Variants in NNT observed in about 807,000 individuals in gnomAD.
NNT encodes the protein NAD(P) transhydrogenase, mitochondrial.
A neutral mutation model predicts 104.8 loss-of-function variants in NNT; 50 were observed. That is an observed-to-expected ratio of 0.48 (90% CI 0.38 to 0.60). NNT has a LOEUF of 0.60. NNT is among the 20% of genes least tolerant of loss of function. The pLI is 0.00. For synonymous variants in NNT, 461 were observed against 490.4 expected (o/e 0.94, Z 0.79); for missense variants, 1,131 against 1,330.7 (o/e 0.85, Z 2.33).
rs1230801147 is a variant in NNT at position 43,707,198 on chromosome 5, TAAAG to T, written c.*2798_*2801del. On this transcript the variant is annotated 3_prime_UTR_variant, in exon 22 of 22. Transcript: ENST00000344920. ...AATGTGATCTTTCCCATTAAAAAAA[TAAAG>T]AAATTTTGGGGTAAAAAAACACAAT... 6.6e-6 allele frequency: 1 copy of T among 151,466 alleles called. No homozygotes were observed. The highest frequency in any genetic ancestry group is 1.5e-5 in the Non-Finnish European group (1 of 67,834). The allele number at this position is 151,466 out of a possible 1,614,324, so 9.4% of individuals were successfully genotyped here. A position where few individuals can be genotyped will look rare whatever the true frequency, so the allele number is the denominator to read the frequency against.
At chr5:43,628,830 G>T (rs941492970) in intron 7 of NNT, among the ~76,000 whole-genome samples, 2 of 151,982 alleles carry the variant, frequency 1.3e-5, no homozygotes, top group Non-Finnish European at 2.9e-5. Flanking sequence ...CAGGTGATCC[G>T]CCCGCCTTGG....
chr5:43,671,785 T>C (rs1741108378), intron 17 of NNT, among the ~76,000 whole-genome samples: 1 of 152,138 alleles, frequency 6.6e-6, no homozygotes, highest in Admixed American at 6.5e-5. Context: ...TCTTGAGGAG[T>C]ATCTCTGTGG....
At chr5:43,622,531 G>A (rs771881346) in intron 5 of NNT, among the ~76,000 whole-genome samples, 9 of 152,162 alleles carry the variant, frequency 5.9e-5, no homozygotes, top group Admixed American at 2.6e-4. Context: ...GCCTCCCAAA[G>A]CGCTGGGATC....
At chr5:43,690,031 A>C (rs539918369) in intron 19 of NNT, among the ~76,000 whole-genome samples, 3 of 152,338 alleles carry the variant, frequency 2.0e-5, no homozygotes, top group African/African-American at 7.2e-5. Context: ...TAAACATCTA[A>C]AACTAAGAAT....
chr5:43,638,242 T>C (rs1315749386), intron 7 of NNT, among the ~76,000 whole-genome samples: 1 of 152,154 alleles, frequency 6.6e-6, no homozygotes, highest in Non-Finnish European at 1.5e-5. Context: ...ACCCCTTTCA[T>C]TTATAAATCA....
chr5:43,645,428 A>G lies in NNT; in HGVS notation c.1362A>G (p.Thr454=). The G allele has an allele frequency of 6.3e-7, 1 of 1,574,980 alleles. No homozygotes were observed. The highest frequency in any genetic ancestry group is 1.4e-5 in the African/African-American group (1 of 73,306). ...IPQGAPVKQK[T]VAELEAEKAA... ...AAGGTGCCCCAGTAAAACAGAAGAC[A>G]GTGGCTGAGCTGGAAGCTGAAAAAG... The change falls in exon 10 of 22, where the codon ACA becomes ACG. Residue 454 remains threonine (T), a synonymous_variant. Coordinates refer to ENST00000344920, the MANE Select transcript of NNT (RefSeq NM_182977.3).
chr5:43,607,107 G>A (rs973363536), intron 1 of NNT, among the ~76,000 whole-genome samples: 1 of 151,892 alleles, frequency 6.6e-6, no homozygotes, highest in East Asian at 1.9e-4. Flanking sequence ...AAGTTCAAGC[G>A]ATTCTGGTGC....
intron 19 of NNT, among the ~76,000 whole-genome samples, chr5:43,685,807 T>G (rs1187787894): frequency 6.6e-6 from 1 of 152,112 alleles, no homozygotes; most frequent in Non-Finnish European, 1.5e-5. Flanking sequence ...TGGTAGGACA[T>G]ATTGTCTCCA....
At chr5:43,695,678 T>C (rs1742520428) in intron 19 of NNT, among the ~76,000 whole-genome samples, 1 of 152,176 alleles carries the variant, frequency 6.6e-6, no homozygotes, top group Non-Finnish European at 1.5e-5. Flanking sequence ...TTCATGCTGC[T>C]GATAAAGACT....
intron 14 of NNT, among the ~76,000 whole-genome samples, chr5:43,653,840 A>T (rs1249747653): frequency 6.6e-6 from 1 of 151,952 alleles, no homozygotes; most frequent in Non-Finnish European, 1.5e-5. Context: ...CTGTAATCCC[A>T]GCTTCTTGGG....
intron 17 of NNT, among the ~76,000 whole-genome samples, chr5:43,662,850 T>C (rs909860336): frequency 1.3e-5 from 2 of 149,476 alleles, no homozygotes; most frequent in African/African-American, 5.0e-5. Context: ...GCTGTGATTG[T>C]ACCACTGGAC....
chr5:43,605,522 CAAAAA>C (rs70997416), intron 1 of NNT, among the ~76,000 whole-genome samples: 5 of 37,758 alleles, frequency 1.3e-4, no homozygotes, highest in African/African-American at 3.0e-4. Context: ...GACTCCGTCT[CAAAAA>C]AAAAAAAAAA....
chr5:43,638,944 T>C (rs1195889449), intron 7 of NNT, among the ~76,000 whole-genome samples: 1 of 152,056 alleles, frequency 6.6e-6, no homozygotes, highest in African/African-American at 2.4e-5. Flanking sequence ...ATCTGGGAAT[T>C]TATTGATTTC....
intron 4 of NNT, among the ~76,000 whole-genome samples, chr5:43,618,517 A>G (rs1028338349): frequency 6.6e-6 from 1 of 152,166 alleles, no homozygotes; most frequent in Non-Finnish European, 1.5e-5. Context: ...TTTTCCCCCC[A>G]TTACCTAAGC....
chr5:43,703,869 G>A (rs1431099869), intron 21 of NNT, among the ~76,000 whole-genome samples: 1 of 152,152 alleles, frequency 6.6e-6, no homozygotes, highest in African/African-American at 2.4e-5. Context: ...TTTAGAATTT[G>A]TAGTGGAAAC....
chr5:43,647,062 A>G (rs1039324578), intron 10 of NNT, among the ~76,000 whole-genome samples: 1 of 152,240 alleles, frequency 6.6e-6, no homozygotes, highest in African/African-American at 2.4e-5. Context: ...AAAGCAAACT[A>G]TAAAGAATTA....
At chr5:43,626,788 G>T (rs943536522) in intron 6 of NNT, among the ~76,000 whole-genome samples, 2 of 149,946 alleles carry the variant, frequency 1.3e-5, no homozygotes, top group Non-Finnish European at 3.0e-5. Flanking sequence ...ATACATATAT[G>T]TATGTGTATA....
At chr5:43,672,457 G>A (rs1449394328) in intron 17 of NNT, among the ~76,000 whole-genome samples, 2 of 152,232 alleles carry the variant, frequency 1.3e-5, no homozygotes, top group Non-Finnish European at 2.9e-5. Flanking sequence ...GTACAGATGA[G>A]GTTTTGGTGT....
At position 43,619,759 on chromosome 5, in the gene NNT, T is replaced by C. The variant is rs117078560; in HGVS notation, c.687+640T>C. Among the ~76,000 whole-genome samples, 521 of 152,314 alleles carry C rather than the reference T, an allele frequency of 3.4e-3. 8 individuals are homozygous for C. The East Asian group carries it at 0.06, about 18-fold the overall frequency. On this transcript the variant is annotated intron_variant, in intron 5 of 21. Transcript: ENST00000344920. ...TCCATTTTGTGTTACTAAAAGAGAA[T>C]ACCTGAGACTGGGTAATTTATTTTA... is the stretch of plus-strand genomic sequence containing the variant.
Sources: gnomAD v4.1 joint callset for allele counts (sites outside exome capture counted in the v4.1 genomes callset) on GRCh38, gnomAD v4.1.1 for gene constraint, MANE v1.5 for transcripts, NCBI Gene and HGNC (gene_info 2026-07-23, HGNC 2026-07-21) for gene names.